PLCB4: variants seen among roughly 807,000 people sequenced by gnomAD.
The protein encoded by PLCB4 is 1-phosphatidylinositol 4,5-bisphosphate phosphodiesterase beta-4.
PLCB4 carries 77 observed loss-of-function variants against 178.8 expected under a neutral mutation model. The observed-to-expected ratio is 0.43, with a 90% CI of 0.36 to 0.52. The LOEUF is 0.52. Ranked by LOEUF, PLCB4 falls within the 20% of genes least tolerant of loss-of-function variation. The probability of loss-of-function intolerance (pLI) is 0.00; values close to 1 mark genes in which losing one functional copy is unlikely to be tolerated. For missense variants in PLCB4, 1,024 were observed against 1,453.4 expected, an observed-to-expected ratio of 0.70 and a Z score of 4.80; for synonymous variants, 496 against 490.8, an observed-to-expected ratio of 1.01 and a Z score of -0.14.
At chr20:9,293,033 C>A (rs1253342868) in intron 3 of PLCB4, among the ~76,000 whole-genome samples, 1 of 151,862 alleles carries the variant, frequency 6.6e-6, no homozygotes, top group East Asian at 1.9e-4. Flanking sequence ...GAGGCCAGAT[C>A]GTGCCACTGC....
At chr20:9,247,823 CTGATT>C (rs1332146522) in intron 3 of PLCB4, among the ~76,000 whole-genome samples, 1 of 152,158 alleles carries the variant, frequency 6.6e-6, no homozygotes, top group East Asian at 1.9e-4. Context: ...GCACTCTGGT[CTGATT>C]TCTGTAGGTG....
At chr20:9,420,019 C>G (rs529721535) in intron 26 of PLCB4, 110 bp downstream of exon 26, 10 of 606,534 alleles carry the variant, frequency 1.6e-5, no homozygotes, top group Non-Finnish European at 2.8e-5. Context: ...CTGCTCACAA[C>G]TTTGACTTAA....
rs1391064443 is a variant in PLCB4 at position 9,384,198 on chromosome 20, T to C, written c.854-3T>C. On this transcript the variant is annotated splice_polypyrimidine_tract_variant and splice_region_variant and intron_variant, in intron 13 of 39. Coordinates refer to ENST00000378473, the MANE Select transcript of PLCB4 (RefSeq NM_001377142.1). ...TGCTACTAAGATGTTCTTTTTCCCC[T>C]AGGCCTTATATCAAGTGATGGGTTT... 2 of 1,608,890 alleles carry C rather than the reference T, an allele frequency of 1.2e-6. No individual in the cohort carries two copies. Among genetic ancestry groups the C allele is most frequent in the Non-Finnish European group, 1.7e-6 (2 of 1,175,350 alleles).
At chr20:9,085,673 G>A (rs1356140481) in intron 1 of PLCB4, among the ~76,000 whole-genome samples, 1 of 152,048 alleles carries the variant, frequency 6.6e-6, no homozygotes, top group Non-Finnish European at 1.5e-5. Flanking sequence ...ACTTTCCTGG[G>A]GTGAAATATA....
At chr20:9,469,732 G>C (rs912934524) in intron 36 of PLCB4, among the ~76,000 whole-genome samples, 10 of 152,170 alleles carry the variant, frequency 6.6e-5, no homozygotes, top group African/African-American at 9.7e-5. Flanking sequence ...CCTGAGACTG[G>C]GGGGAAGGTT....
At chr20:9,435,947 G>A (rs1602695193) in intron 29 of PLCB4, among the ~76,000 whole-genome samples, 1 of 152,318 alleles carries the variant, frequency 6.6e-6, no homozygotes, top group African/African-American at 2.4e-5. Flanking sequence ...TAAAATGTAG[G>A]TGGAGCATTT....
chr20:9,384,146 TGA>T, intron 13 of PLCB4, 53 bp from the exon 14 acceptor site: 1 of 1,279,658 alleles, frequency 7.8e-7, no homozygotes, highest in South Asian at 1.2e-5. Flanking sequence ...GAATAAAACA[TGA>T]GATATGCATC....
intron 2 of PLCB4, among the ~76,000 whole-genome samples, chr20:9,131,496 A>G (rs917650281): frequency 6.6e-6 from 1 of 152,290 alleles, no homozygotes; most frequent in African/African-American, 2.4e-5. Context: ...TTGGTGGTTA[A>G]GGGCATAGCC....
chr20:9,243,320 C>T (rs991941560), intron 3 of PLCB4, among the ~76,000 whole-genome samples: 2 of 152,152 alleles, frequency 1.3e-5, no homozygotes, highest in Non-Finnish European at 2.9e-5. Context: ...GGGAATGCTG[C>T]TGAGCTGTTC....
intron 9 of PLCB4, 122 bp downstream of exon 9, chr20:9,365,636 A>G (rs2035711838): frequency 1.9e-6 from 1 of 539,590 alleles, no homozygotes; most frequent in South Asian, 3.5e-5. Context: ...CTGGAATCTT[A>G]GTTTCAATTG....
chr20:9,270,153 T>G (rs1227762833), intron 3 of PLCB4, among the ~76,000 whole-genome samples: 1 of 152,170 alleles, frequency 6.6e-6, no homozygotes, highest in Non-Finnish European at 1.5e-5. Context: ...ATATTAAGCA[T>G]CACTAAATGG....
At chr20:9,106,051 A>G (rs1016912710) in intron 2 of PLCB4, among the ~76,000 whole-genome samples, 10 of 152,210 alleles carry the variant, frequency 6.6e-5, no homozygotes, top group African/African-American at 2.2e-4. Context: ...TACAAACAAT[A>G]TGATCAACAA....
intron 12 of PLCB4, among the ~76,000 whole-genome samples, chr20:9,379,850 G>T (rs1271086588): frequency 6.6e-6 from 1 of 152,100 alleles, no homozygotes; most frequent in Admixed American, 6.5e-5. Flanking sequence ...CTAGTTCAGG[G>T]AGAGTAACCC....
intron 2 of PLCB4, among the ~76,000 whole-genome samples, chr20:9,128,654 C>T (rs1007964327): frequency 2.0e-5 from 3 of 152,300 alleles, no homozygotes; most frequent in South Asian, 2.1e-4. Context: ...TCCTAAAGTG[C>T]TGGGATTACA....
At chr20:9,153,250 A>G (rs867312759) in intron 2 of PLCB4, among the ~76,000 whole-genome samples, 3 of 152,088 alleles carry the variant, frequency 2.0e-5, no homozygotes, top group Non-Finnish European at 4.4e-5. Context: ...TTTGAAATGT[A>G]AGGACATGTG....
At chr20:9,157,828 AGACTGTGG>A (rs1377926937) in intron 2 of PLCB4, among the ~76,000 whole-genome samples, 2 of 152,092 alleles carry the variant, frequency 1.3e-5, no homozygotes, top group Non-Finnish European at 2.9e-5. Context: ...GCTATTTGGG[AGACTGTGG>A]CTAAGGAGCC....
In PLCB4 at chr20:9,290,489, T is replaced by C. The variant is rs565858829; in HGVS notation, c.-15-17311T>C. Reference sequence around the variant, plus strand: ...AGAGTGAGGGATGTTTTTCAGTTTCTATATAAGCAATGGAAGCAAACATGT... The same window carrying C: ...AGAGTGAGGGATGTTTTTCAGTTTCCATATAAGCAATGGAAGCAAACATGT... On this transcript the variant is annotated intron_variant, in intron 3 of 39. Coordinates refer to ENST00000378473, the MANE Select transcript of PLCB4 (RefSeq NM_001377142.1). Among the ~76,000 whole-genome samples the C allele has an allele frequency of 2.6e-5, 4 of 152,282 alleles. No individual in the cohort carries two copies. The East Asian group carries it at 7.7e-4, about 29-fold the overall frequency.
chr20:9,125,729 T>G (rs2092095500), intron 2 of PLCB4, among the ~76,000 whole-genome samples: 1 of 152,208 alleles, frequency 6.6e-6, no homozygotes, highest in Non-Finnish European at 1.5e-5. Context: ...CCTATTGATA[T>G]TTGTGGGACT....
At chr20:9,368,896 C>T (rs762517595) in intron 9 of PLCB4, among the ~76,000 whole-genome samples, 1 of 152,152 alleles carries the variant, frequency 6.6e-6, no homozygotes, top group Non-Finnish European at 1.5e-5. Context: ...TCAACAAAAA[C>T]TCATTGAGTA....
Sources: gnomAD v4.1 joint callset for allele counts (sites outside exome capture counted in the v4.1 genomes callset) on GRCh38, gnomAD v4.1.1 for gene constraint, MANE v1.5 for transcripts, NCBI Gene and HGNC (gene_info 2026-07-23, HGNC 2026-07-21) for gene names.